The following PRKAG2 variants were observed in gnomAD, a reference collection of about 807,000 sequenced individuals.
PRKAG2 encodes the protein protein kinase AMP-activated non-catalytic subunit gamma 2.
In PRKAG2, 26 loss-of-function variants were observed where a neutral mutation model predicts 69.6. The observed-to-expected ratio is 0.37, with a 90% CI of 0.27 to 0.52. The LOEUF (loss-of-function observed/expected upper bound fraction) is 0.52, where lower values mean the gene tolerates loss of function less well. PRKAG2 is among the 20% of genes least tolerant of loss of function. PRKAG2 has a pLI of 0.90. For synonymous variants in PRKAG2, 293 were observed against 285.0 expected (o/e 1.03, Z -0.28); for missense variants, 557 against 740.0 (o/e 0.75, Z 2.87).
chr7:151,728,565 A>G (rs1798383053), intron 3 of PRKAG2, among the ~76,000 whole-genome samples: 1 of 151,598 alleles, frequency 6.6e-6, no homozygotes, highest in Non-Finnish European at 1.5e-5. Context: ...TTAAAAATAC[A>G]CCCCCTTTTG....
At chr7:151,631,778 G>A (rs1824496655) in intron 5 of PRKAG2, 1 of 479,112 alleles carries the variant, frequency 2.1e-6, no homozygotes, top group African/African-American at 2.0e-5. Flanking sequence ...GCTGTAATTC[G>A]AGTTCGGCGA....
chr7:151,818,444 C>A (rs1030280318), intron 1 of PRKAG2, among the ~76,000 whole-genome samples: 3 of 152,192 alleles, frequency 2.0e-5, no homozygotes, highest in Non-Finnish European at 4.4e-5. Context: ...CACGTCCCTG[C>A]GATGAGGCAT....
At chr7:151,711,615 C>T (rs537260817) in intron 3 of PRKAG2, among the ~76,000 whole-genome samples, 1 of 152,310 alleles carries the variant, frequency 6.6e-6, no homozygotes, top group Non-Finnish European at 1.5e-5. Flanking sequence ...CCTTTAATCT[C>T]CATCCACCAA....
In PRKAG2 at chr7:151,781,079, C is replaced by T; in HGVS notation, c.466+73G>A. 5 of 1,591,906 alleles carry T rather than the reference C, an allele frequency of 3.1e-6. No individual in the cohort carries two copies. The highest frequency in any genetic ancestry group is 3.4e-6 in the Non-Finnish European group (4 of 1,163,502). Reference sequence around the variant, plus strand: ...AGCCACCTGGCAGCTTCGGTGCCACCGTGGATGTGTGGCTGCAGAAGAGAC... The same window carrying T: ...AGCCACCTGGCAGCTTCGGTGCCACTGTGGATGTGTGGCTGCAGAAGAGAC... On this transcript the variant is annotated intron_variant, in intron 3 of 15. Transcript: ENST00000287878. This position sits in a 1 kb window ranked among gnomAD's most constrained non-coding sequence, Gnocchi z 6.1.
chr7:151,619,620 A>G (rs1411856277), intron 5 of PRKAG2, among the ~76,000 whole-genome samples: 5 of 152,202 alleles, frequency 3.3e-5, no homozygotes, highest in Non-Finnish European at 1.5e-5. Context: ...ACTTCAGACT[A>G]TGTATATAAG....
At chr7:151,623,853 G>A (rs77810215) in intron 5 of PRKAG2, among the ~76,000 whole-genome samples, 205 of 152,226 alleles carry the variant, frequency 1.3e-3, no homozygotes, top group Middle Eastern at 3.4e-3. Context: ...AGAAGTCAAC[G>A]TGAAGACTGA....
At chr7:151,679,298 T>A (rs553679215) in intron 3 of PRKAG2, among the ~76,000 whole-genome samples, 8 of 152,242 alleles carry the variant, frequency 5.3e-5, no homozygotes, top group Middle Eastern at 6.8e-3. Context: ...TTGTGTGTAG[T>A]GTGGGGCACT....
chr7:151,820,829 T>C lies in PRKAG2; in HGVS notation c.115-34288A>G, dbSNP rs545274212. On this transcript the variant is annotated intron_variant, in intron 1 of 15. Transcript: ENST00000287878. ...TCCTCTTCCATTTTTTAAACAACAA[T>C]AAGCCGGGCTTCTCTCCTAACCCTG... Among the ~76,000 whole-genome samples, 299 of 152,272 alleles carry C rather than the reference T, an allele frequency of 2.0e-3. 1 individual carries two copies. Among genetic ancestry groups the C allele is most frequent in the Admixed American group, 4.2e-3 (65 of 15,298 alleles).
chr7:151,558,493 T>G (rs1235860684), intron 15 of PRKAG2: 1 of 975,560 alleles, frequency 1.0e-6, no homozygotes, highest in Non-Finnish European at 1.2e-6. Context: ...CTGAAGGAGG[T>G]GAAGCGACTT....
intron 1 of PRKAG2, among the ~76,000 whole-genome samples, chr7:151,834,237 G>T (rs1365398917): frequency 6.6e-6 from 1 of 152,180 alleles, no homozygotes; most frequent in Non-Finnish European, 1.5e-5. Context: ...ATCATGATTT[G>T]TCTTAAACTG....
At chr7:151,585,739 G>A (rs1171857431) in intron 6 of PRKAG2, among the ~76,000 whole-genome samples, 1 of 152,214 alleles carries the variant, frequency 6.6e-6, no homozygotes, top group East Asian at 1.9e-4. Flanking sequence ...TCAAGTCATT[G>A]TTCCAAAGCT....
At chr7:151,774,371 T>C (rs1019006142) in intron 3 of PRKAG2, among the ~76,000 whole-genome samples, 3 of 152,198 alleles carry the variant, frequency 2.0e-5, no homozygotes, top group Non-Finnish European at 4.4e-5. Context: ...TCCAGAACCA[T>C]GGTCCCCATC....
Position 151,703,845 on chromosome 7 carries a change from A to AACACACACACACAC in PRKAG2, c.467-28222_467-28209dup, listed in dbSNP as rs535818189. ...TGGTGAAACCCTGTCTTTACTGGAA[A>AACACACACACACAC]ACACACACACACACACACACACACA... On this transcript the variant is annotated intron_variant, in intron 3 of 15. Coordinates refer to ENST00000287878, the MANE Select transcript of PRKAG2 (RefSeq NM_016203.4). Among the ~76,000 whole-genome samples, 134 of 88,538 alleles carry AACACACACACACAC rather than the reference A, an allele frequency of 1.5e-3. 4 individuals carry two copies. The highest frequency in any genetic ancestry group is 4.5e-3 in the East Asian group (13 of 2,866). The allele number at this position is 88,538 out of a possible 152,430, so 58.1% of individuals were successfully genotyped here. A position where few individuals can be genotyped will look rare whatever the true frequency, so the allele number is the denominator to read the frequency against.
intron 5 of PRKAG2, among the ~76,000 whole-genome samples, chr7:151,601,084 G>A (rs1264403542): frequency 6.6e-6 from 1 of 152,090 alleles, no homozygotes; most frequent in Non-Finnish European, 1.5e-5. Flanking sequence ...TCATCTGAGC[G>A]CACCTGGGGA....
In PRKAG2 at chr7:151,560,737, T is replaced by C. The variant is rs938125761; in HGVS notation, c.1585-120A>G. On this transcript the variant is annotated intron_variant, in intron 14 of 15. Coordinates refer to ENST00000287878, the MANE Select transcript of PRKAG2 (RefSeq NM_016203.4). Reference sequence around the variant, plus strand: ...CAACACATCCCTCCAGCCTGGGGAATAGCAGTGAGACATCATCTCTACAAA... The same window carrying C: ...CAACACATCCCTCCAGCCTGGGGAACAGCAGTGAGACATCATCTCTACAAA... 2.9e-5 allele frequency: 38 copies of C among 1,305,004 alleles called. No individual in the cohort carries two copies. The African/African-American group carries it at 4.6e-4, about 16-fold the overall frequency. 80.8% of individuals were successfully genotyped at this position (1,305,004 alleles called of 1,614,324 possible).
chr7:151,560,703 T>C, intron 14 of PRKAG2, 86 bp from the exon 15 acceptor site: 1 of 1,528,022 alleles, frequency 6.5e-7, no homozygotes, highest in Non-Finnish European at 9.0e-7. Context: ...TGTCATGTTT[T>C]TATATGATCA....
At chr7:151,783,787 C>T (rs2076853768) in intron 2 of PRKAG2, among the ~76,000 whole-genome samples, 1 of 151,376 alleles carries the variant, frequency 6.6e-6, no homozygotes, top group Non-Finnish European at 1.5e-5. Flanking sequence ...GGCCTGTAGT[C>T]CCAGCTACTC....
At chr7:151,799,588 G>A (rs558113540) in intron 1 of PRKAG2, among the ~76,000 whole-genome samples, 2 of 152,322 alleles carry the variant, frequency 1.3e-5, no homozygotes, top group South Asian at 2.1e-4. Context: ...CCTTCAGTCT[G>A]TGATCCCAGC....
chr7:151,876,609 C>G lies in PRKAG2; in HGVS notation c.12G>C (p.Ala4=), dbSNP rs1265524895. 6.2e-7 allele frequency: 1 copy of G among 1,609,268 alleles called. No individual in the cohort carries two copies. The highest frequency in any genetic ancestry group is 1.7e-5 in the Admixed American group (1 of 60,002). Residue 4 remains alanine (A), a synonymous_variant, in exon 1 of 16, where the codon GCG becomes GCC. Transcript: ENST00000287878. MGS[A]VMDTKKKKDV... Reference sequence around the variant, plus strand: ...CTTTTTTCTTCTTGGTGTCCATAACCGCGCTTCCCATAACTCTAACCAGAA... The same window carrying G: ...CTTTTTTCTTCTTGGTGTCCATAACGGCGCTTCCCATAACTCTAACCAGAA...
Sources: gnomAD v4.1 joint callset for allele counts (sites outside exome capture counted in the v4.1 genomes callset) on GRCh38, gnomAD v4.1.1 for gene constraint, Gnocchi (gnomAD v3.1) non-coding constraint, MANE v1.5 for transcripts, NCBI Gene and HGNC (gene_info 2026-07-23, HGNC 2026-07-21) for gene names.